CABIN1: variants seen among roughly 807,000 people sequenced by gnomAD.
CABIN1 encodes the protein calcineurin-binding protein cabin-1.
CABIN1 carries 133 observed loss-of-function variants against 227.7 expected under a neutral mutation model. The observed-to-expected ratio is 0.58, with a 90% CI of 0.51 to 0.67. CABIN1 has a LOEUF of 0.67. Among genes scored for constraint, CABIN1 ranks in the 30% least tolerant of loss-of-function variants. The probability of loss-of-function intolerance (pLI) is 0.00; values close to 1 mark genes in which losing one functional copy is unlikely to be tolerated. For synonymous variants in CABIN1, 1,086 were observed against 1,155.1 expected, an observed-to-expected ratio of 0.94 and a Z score of 1.21; for missense variants, 2,408 against 2,852.5, an observed-to-expected ratio of 0.84 and a Z score of 3.55.
chr22:24,091,996 A>G (rs1051639474), intron 24 of CABIN1, 153 bp downstream of exon 24: 1 of 854,172 alleles, frequency 1.2e-6, no homozygotes, highest in Non-Finnish European at 1.8e-6. Context: ...TTGAATTAAA[A>G]CATCATTTCC....
chr22:24,062,614 C>T (rs2039281109), intron 13 of CABIN1, among the ~76,000 whole-genome samples: 1 of 152,150 alleles, frequency 6.6e-6, no homozygotes, highest in Non-Finnish European at 1.5e-5. Context: ...CCACCTCAGC[C>T]TCCCAAAGTG....
chr22:24,043,118 C>T (rs779111331), intron 6 of CABIN1, 34 bp downstream of exon 6: 1 of 1,606,462 alleles, frequency 6.2e-7, no homozygotes. Context: ...TTCCATGTGC[C>T]AGTGGTTTTT....
At chr22:24,064,976 T>C (rs1007724133) in intron 15 of CABIN1, among the ~76,000 whole-genome samples, 6 of 152,266 alleles carry the variant, frequency 3.9e-5, no homozygotes, top group African/African-American at 1.4e-4. Flanking sequence ...TTTCCCCCTT[T>C]TCTATTCCAC....
At chr22:24,094,988 G>A (rs552830694) in intron 24 of CABIN1, among the ~76,000 whole-genome samples, 1 of 152,306 alleles carries the variant, frequency 6.6e-6, no homozygotes, top group South Asian at 2.1e-4. Flanking sequence ...CCCCAAGTTT[G>A]GCCACCTGAT....
chr22:24,115,545 T>C (rs1396046260), intron 27 of CABIN1, among the ~76,000 whole-genome samples: 1 of 152,188 alleles, frequency 6.6e-6, no homozygotes, highest in African/African-American at 2.4e-5. Flanking sequence ...AACTTCCTGT[T>C]GTAAGAGCAG....
intron 28 of CABIN1, among the ~76,000 whole-genome samples, chr22:24,133,778 C>A (rs2044220257): frequency 6.6e-6 from 1 of 152,178 alleles, no homozygotes; most frequent in African/African-American, 2.4e-5. Context: ...GGCCCACACT[C>A]ACCCTCTTAC....
At chr22:24,136,463 C>T (rs2148240648) in intron 29 of CABIN1, among the ~76,000 whole-genome samples, 1 of 146,738 alleles carries the variant, frequency 6.8e-6, no homozygotes, top group African/African-American at 2.5e-5. Context: ...AGCAATTCTG[C>T]TTCAGCCTCA....
At chr22:24,105,663 T>C (rs1222650266) in intron 26 of CABIN1, among the ~76,000 whole-genome samples, 1 of 152,024 alleles carries the variant, frequency 6.6e-6, no homozygotes, top group East Asian at 1.9e-4. Context: ...CCCAGCCCCA[T>C]AGGAAGTTTA....
At chr22:24,078,394 G>A (rs909882348) in intron 19 of CABIN1, among the ~76,000 whole-genome samples, 3 of 152,180 alleles carry the variant, frequency 2.0e-5, no homozygotes, top group African/African-American at 4.8e-5. Context: ...GTGCCATGGA[G>A]GGTTATGAAG....
chr22:24,062,668 CTT>C (rs1332608497), intron 13 of CABIN1, among the ~76,000 whole-genome samples: 1 of 152,144 alleles, frequency 6.6e-6, no homozygotes, highest in Non-Finnish European at 1.5e-5. Context: ...TTCATTCTGA[CTT>C]TTAAACTACC....
intron 2 of CABIN1, 126 bp downstream of exon 2, chr22:24,035,646 A>G: frequency 8.0e-7 from 1 of 1,242,644 alleles, no homozygotes. Context: ...TCCTCCCAGG[A>G]AGGCTGTTGG....
At chr22:24,033,566 C>G (rs997342342) in intron 1 of CABIN1, among the ~76,000 whole-genome samples, 1 of 152,186 alleles carries the variant, frequency 6.6e-6, no homozygotes, top group Non-Finnish European at 1.5e-5. Flanking sequence ...GCCAGCCTCT[C>G]AGCTAGGACT....
chr22:24,130,675 C>T (rs2044019907), intron 28 of CABIN1, among the ~76,000 whole-genome samples: 1 of 152,144 alleles, frequency 6.6e-6, no homozygotes, highest in Admixed American at 6.5e-5. Flanking sequence ...CAGCCTGGCA[C>T]CCATGATTCC....
In CABIN1 at chr22:24,138,830, A is replaced by T. The variant is rs185252899; in HGVS notation, c.4746+4415A>T. On this transcript the variant is annotated intron_variant, in intron 29 of 36. Coordinates refer to ENST00000263119, the MANE Select transcript of CABIN1 (RefSeq NM_012295.4). The stretch of plus-strand genomic sequence containing the variant: ...AATGTTATTGGACAAAAAGATTATG[A>T]TCTAAACCCAACAAGGCCTGTCTGT... 5.9e-5 allele frequency among the ~76,000 whole-genome samples: 9 copies of T among 152,260 alleles called. No homozygotes were observed. The East Asian group carries it at 1.7e-3, about 29-fold the overall frequency.
At chr22:24,057,064 A>G (rs1175024182) in intron 10 of CABIN1, among the ~76,000 whole-genome samples, 1 of 151,948 alleles carries the variant, frequency 6.6e-6, no homozygotes, top group East Asian at 1.9e-4. Flanking sequence ...AGCCTCACGC[A>G]TAGCTGGGAC....
chr22:24,045,662 C>CAGT (rs2037819851), intron 6 of CABIN1, among the ~76,000 whole-genome samples: 1 of 151,994 alleles, frequency 6.6e-6, no homozygotes, highest in African/African-American at 2.4e-5. Flanking sequence ...AACAGCAGCC[C>CAGT]ACTTGTTGGT....
chr22:24,063,938 G>T lies in CABIN1; in HGVS notation c.1885-97G>T, dbSNP rs1055366144. ...TAATTGGTAAAAAACCCACCCTCAT[G>T]GCCTCCACAGTCTAGTGAGATAAGT... On this transcript the variant is annotated intron_variant, in intron 14 of 36. Transcript: ENST00000263119. 36 of 1,491,352 alleles carry T rather than the reference G, an allele frequency of 2.4e-5. No homozygotes were observed. In the African/African-American group the frequency reaches 4.7e-4, roughly 19 times the overall value. 92.4% of individuals were successfully genotyped at this position (1,491,352 alleles called of 1,614,324 possible).
intron 1 of CABIN1, among the ~76,000 whole-genome samples, chr22:24,026,771 T>A (rs2036120768): frequency 6.6e-6 from 1 of 152,238 alleles, no homozygotes; most frequent in African/African-American, 2.4e-5. Flanking sequence ...AACACTACGC[T>A]GCCTTGATTA....
At chr22:24,071,319 C>A (rs371803351) in intron 17 of CABIN1, 7 of 493,306 alleles carry the variant, frequency 1.4e-5, no homozygotes, top group South Asian at 1.4e-4. Flanking sequence ...AATAACCTCA[C>A]GGGGAGGCCC....
Sources: gnomAD v4.1 joint callset for allele counts (sites outside exome capture counted in the v4.1 genomes callset) on GRCh38, gnomAD v4.1.1 for gene constraint, MANE v1.5 for transcripts, NCBI Gene and HGNC (gene_info 2026-07-23, HGNC 2026-07-21) for gene names.